The following ADGRL2 variants were observed in gnomAD, a reference collection of about 807,000 sequenced individuals.
ADGRL2 encodes adhesion G protein-coupled receptor L2, also known as calcium-independent alpha-latrotoxin receptor 2.
ADGRL2 carries 44 observed loss-of-function variants against 157.4 expected under a neutral mutation model. The observed-to-expected ratio is 0.28, with a 90% CI of 0.22 to 0.36. ADGRL2 has a LOEUF of 0.36. ADGRL2 is among the 10% of genes least tolerant of loss of function. ADGRL2 has a pLI of 1.00. For missense variants in ADGRL2, 1,510 were observed against 1,768.9 expected, an observed-to-expected ratio of 0.85 and a Z score of 2.63; for synonymous variants, 585 against 624.7, an observed-to-expected ratio of 0.94 and a Z score of 0.95.
At chr1:81,722,577 C>A in intron 1 of ADGRL2, 1 of 1,474,394 alleles carries the variant, frequency 6.8e-7, no homozygotes, top group Non-Finnish European at 9.3e-7. Flanking sequence ...CACACAGACG[C>A]CTAGGCCACT....
intron 23 of ADGRL2, among the ~76,000 whole-genome samples, chr1:81,988,701 T>A (rs1373128212): frequency 1.3e-5 from 2 of 152,166 alleles, no homozygotes; most frequent in Non-Finnish European, 2.9e-5. Flanking sequence ...TTTTTGCTAA[T>A]GATAATTTGC....
chr1:81,794,816 T>C (rs1053189747), intron 2 of ADGRL2, among the ~76,000 whole-genome samples: 4 of 152,190 alleles, frequency 2.6e-5, no homozygotes, highest in African/African-American at 9.7e-5. Context: ...ATTAAGAAAC[T>C]ATGTTGATGG....
chr1:81,308,566 T>A (rs769632324), intron 1 of ADGRL2, among the ~76,000 whole-genome samples: 4 of 152,108 alleles, frequency 2.6e-5, no homozygotes, highest in African/African-American at 7.2e-5. Flanking sequence ...GCCAAGGAGA[T>A]CTTTTGGGGA....
intron 3 of ADGRL2, among the ~76,000 whole-genome samples, chr1:81,635,977 T>C (rs1467195461): frequency 6.6e-6 from 1 of 152,182 alleles, no homozygotes; most frequent in Non-Finnish European, 1.5e-5. Context: ...TCAGCACATA[T>C]CCCAGACACA....
chr1:81,496,423 CTA>C, intron 2 of ADGRL2, among the ~76,000 whole-genome samples: 1 of 152,252 alleles, frequency 6.6e-6, no homozygotes, highest in Admixed American at 6.5e-5. Context: ...ACAAAAGACA[CTA>C]TGACTGTTCT....
At chr1:81,518,341 A>C (rs2079229852) in intron 2 of ADGRL2, among the ~76,000 whole-genome samples, 1 of 152,198 alleles carries the variant, frequency 6.6e-6, no homozygotes, top group African/African-American at 2.4e-5. Context: ...ATATTAATAC[A>C]CATCGAACAC....
At chr1:81,865,934 C>T (rs575134709) in intron 2 of ADGRL2, among the ~76,000 whole-genome samples, 11 of 152,234 alleles carry the variant, frequency 7.2e-5, no homozygotes, top group African/African-American at 2.4e-4. Flanking sequence ...TTTGTGCCAA[C>T]AGTCATAAAA....
intron 2 of ADGRL2, among the ~76,000 whole-genome samples, chr1:81,537,156 CATGAATATGTATATTTACAT>C (rs1263196450): frequency 6.6e-6 from 1 of 152,138 alleles, no homozygotes; most frequent in Non-Finnish European, 1.5e-5. Context: ...TAAAAGTTGG[CATGAATATGTATATTTACAT>C]ATGCATATAA....
intron 1 of ADGRL2, among the ~76,000 whole-genome samples, chr1:81,390,133 A>C (rs2076507688): frequency 6.6e-6 from 1 of 152,296 alleles, no homozygotes; most frequent in Non-Finnish European, 1.5e-5. Context: ...AGAAGTTCTG[A>C]AACTTCATTC....
chr1:81,723,472 A>G (rs1377214765), intron 1 of ADGRL2, among the ~76,000 whole-genome samples: 6 of 152,148 alleles, frequency 3.9e-5, no homozygotes, highest in Admixed American at 1.3e-4. Context: ...TTTACTAATC[A>G]TTTTGGATTT....
At chr1:81,654,559 A>G (rs189080656) in intron 3 of ADGRL2, among the ~76,000 whole-genome samples, 48 of 152,292 alleles carry the variant, frequency 3.2e-4, no homozygotes, top group Admixed American at 8.5e-4. Context: ...CCTACATATA[A>G]TTGTGAGCTG....
chr1:81,529,321 T>C (rs1339142826), intron 2 of ADGRL2, among the ~76,000 whole-genome samples: 1 of 152,094 alleles, frequency 6.6e-6, no homozygotes, highest in East Asian at 1.9e-4. Context: ...TCCAGAGCAT[T>C]TGGTGACTTT....
chr1:81,503,997 A>G (rs1264269194), intron 2 of ADGRL2, among the ~76,000 whole-genome samples: 2 of 152,044 alleles, frequency 1.3e-5, no homozygotes, highest in African/African-American at 2.4e-5. Flanking sequence ...GCCTACTGTT[A>G]GGTTCCTGGG....
At chr1:81,490,355 C>T (rs2078605263) in intron 2 of ADGRL2, among the ~76,000 whole-genome samples, 1 of 152,130 alleles carries the variant, frequency 6.6e-6, no homozygotes, top group Admixed American at 6.5e-5. Flanking sequence ...TGGTCTCGAG[C>T]TCCTGACCTC....
chr1:81,310,607 A>G (rs1659679972), intron 1 of ADGRL2, among the ~76,000 whole-genome samples: 2 of 152,190 alleles, frequency 1.3e-5, no homozygotes, highest in South Asian at 4.1e-4. Flanking sequence ...TGCCCTGTAT[A>G]TCCACAACCT....
At chr1:81,413,253 G>A (rs7522521) in intron 1 of ADGRL2, among the ~76,000 whole-genome samples, 24,872 of 151,952 alleles carry the variant, frequency 0.16, 2,303 homozygotes, top group South Asian at 0.28. Flanking sequence ...TAAGCCTACC[G>A]TCAAGTGTGA....
rs541497344 is a variant in ADGRL2, at chr1:81,489,388, A to T, written c.-248+44299A>T. Among the ~76,000 whole-genome samples, 174 of 152,308 alleles carry T rather than the reference A, an allele frequency of 1.1e-3. 1 individual carries two copies. Among genetic ancestry groups the T allele is most frequent in the African/African-American group, 3.0e-3 (125 of 41,570 alleles). On this transcript the variant is annotated intron_variant, in intron 2 of 24. Transcript: ENST00000370721. ...CAGACAGAAGAATCAGCAAACTTGA[A>T]GACAGGACAATGGAAATTATTGAGT...
intron 2 of ADGRL2, among the ~76,000 whole-genome samples, chr1:81,788,554 T>C (rs2087169996): frequency 1.3e-5 from 2 of 152,330 alleles, no homozygotes; most frequent in South Asian, 4.1e-4. Flanking sequence ...CTTTTCCCTA[T>C]GAATTACCTA....
chr1:81,924,868 A>T (rs2095068704), intron 3 of ADGRL2, among the ~76,000 whole-genome samples: 1 of 152,104 alleles, frequency 6.6e-6, no homozygotes, highest in Non-Finnish European at 1.5e-5. Flanking sequence ...TGTTGCCAGA[A>T]TCTGATACTG....
Sources: allele counts gnomAD v4.1 joint callset (sites outside exome capture counted in the v4.1 genomes callset), GRCh38; gene constraint gnomAD v4.1.1; transcripts MANE v1.5; gene names NCBI Gene and HGNC (gene_info 2026-07-23, HGNC 2026-07-21).